The following STK33 variants were observed in gnomAD, a reference collection of about 807,000 sequenced individuals.
STK33 encodes serine/threonine kinase 33, also known as serine/threonine-protein kinase 33.
A neutral mutation model predicts 58.0 loss-of-function variants in STK33; 52 were observed. The observed-to-expected ratio is 0.90, with a 90% CI of 0.72 to 1.13. STK33 has a LOEUF of 1.13. STK33 is among the 50% of genes most tolerant of loss of function. The pLI is 0.00. For synonymous variants in STK33, 215 were observed against 200.1 expected (o/e 1.07, Z -0.63); for missense variants, 630 against 604.2 (o/e 1.04, Z -0.45).
intron 15 of STK33, among the ~76,000 whole-genome samples, chr11:8,405,025 C>A (rs1938849796): frequency 6.6e-6 from 1 of 152,142 alleles, no homozygotes; most frequent in Non-Finnish European, 1.5e-5. Context: ...GTAGTCCCAG[C>A]TACCCAGGAG....
rs774337141 is a variant in STK33, at chr11:8,457,344, T to C, written c.694A>G (p.Asn232Asp). ...AGCTGGATAACCCTCTTCTTACCAT[T>C]ATTGTGAAGATATGCTATAGCTGAT... The part of the protein sequence containing the change: ...LASAIAYLHN[N>D]DIVHRDLKLE... The change falls in exon 9 of 16, where the codon AAT becomes GAT. Residue 232 changes from asparagine (N) to aspartate (D), a missense_variant. Transcript: ENST00000687296. 1.9e-6 allele frequency: 3 copies of C among 1,572,334 alleles called. No individual in the cohort carries two copies. In the Admixed American group the frequency reaches 5.0e-5, roughly 26 times the overall value.
chr11:8,431,521 T>C (rs573687847), intron 14 of STK33, among the ~76,000 whole-genome samples: 1 of 152,312 alleles, frequency 6.6e-6, no homozygotes, highest in East Asian at 1.9e-4. Context: ...GTTGTGACTA[T>C]AAAGCAAAGT....
intron 6 of STK33, chr11:8,466,092 C>T (rs1948148420): frequency 6.6e-6 from 1 of 152,202 alleles, no homozygotes; most frequent in Admixed American, 6.5e-5. Context: ...TCCCATGACA[C>T]ATGGGAATTA....
the STK33 span, among the ~76,000 whole-genome samples, chr11:8,376,541 T>C: frequency 6.6e-6 from 1 of 151,908 alleles, no homozygotes; most frequent in African/African-American, 2.4e-5. Flanking sequence ...AGGCTTTGAT[T>C]CTTTTTTCTT....
chr11:8,373,716 T>C, the STK33 span, among the ~76,000 whole-genome samples: 2 of 151,970 alleles, frequency 1.3e-5, no homozygotes, highest in African/African-American at 4.8e-5. Context: ...ATCATCCCAG[T>C]GATTGAGGCC....
the STK33 span, among the ~76,000 whole-genome samples, chr11:8,382,380 T>G: frequency 6.6e-6 from 1 of 152,214 alleles, no homozygotes; most frequent in Admixed American, 6.5e-5. Context: ...TCAGAAATGA[T>G]GCATCTGAGC....
intron 15 of STK33, among the ~76,000 whole-genome samples, chr11:8,394,730 A>C (rs1177209034): frequency 6.6e-6 from 1 of 152,202 alleles, no homozygotes; most frequent in Non-Finnish European, 1.5e-5. Flanking sequence ...ATATCTTGAG[A>C]TCATTATTAA....
At chr11:8,514,216 GT>G (rs750384441) in intron 1 of STK33, among the ~76,000 whole-genome samples, 1 of 152,134 alleles carries the variant, frequency 6.6e-6, no homozygotes, top group Non-Finnish European at 1.5e-5. Context: ...ATCCATTCAT[GT>G]GTTGACAGAC....
At chr11:8,354,557 C>T in the STK33 span, among the ~76,000 whole-genome samples, 10 of 150,856 alleles carry the variant, frequency 6.6e-5, no homozygotes, top group South Asian at 8.4e-4. Context: ...CCACCCAGCT[C>T]AAGCACAGGT....
rs546969589 is a variant in STK33 at position 8,457,259 on chromosome 11, A to G, written c.697+82T>C. 8.9e-5 allele frequency: 113 copies of G among 1,264,042 alleles called. 1 individual carries two copies. In the Middle Eastern group the frequency reaches 1.0e-3, roughly 11 times the overall value. The allele number at this position is 1,264,042 out of a possible 1,614,324, so 78.3% of individuals were successfully genotyped here. ...ATTAGCAGGTGTTATTTATATGACT[A>G]TGAATCTGGAATACAATTACCCTTA... On this transcript the variant is annotated intron_variant, in intron 9 of 15. Coordinates refer to ENST00000687296, the MANE Select transcript of STK33 (RefSeq NM_001352389.2).
the STK33 span, among the ~76,000 whole-genome samples, chr11:8,354,472 C>CACACACACACACA: frequency 3.6e-5 from 2 of 55,990 alleles, no homozygotes; most frequent in African/African-American, 1.4e-4. Context: ...GTCTGCAAAA[C>CACACACACACACA]CTCACACACA....
At chr11:8,507,464 G>A (rs1224400703) in intron 1 of STK33, among the ~76,000 whole-genome samples, 1 of 152,116 alleles carries the variant, frequency 6.6e-6, no homozygotes, top group Non-Finnish European at 1.5e-5. Flanking sequence ...AACACTCAAT[G>A]CACATTGTAA....
chr11:8,555,635 A>G (rs1360957538), intron 1 of STK33, among the ~76,000 whole-genome samples: 4 of 152,142 alleles, frequency 2.6e-5, no homozygotes, highest in Non-Finnish European at 5.9e-5. Flanking sequence ...ATTGCACTCC[A>G]GCCTGGGTGA....
chr11:8,583,382 T>C (rs2030796172), intron 1 of STK33, among the ~76,000 whole-genome samples: 1 of 152,140 alleles, frequency 6.6e-6, no homozygotes, highest in Non-Finnish European at 1.5e-5. Context: ...ATTCCACAAA[T>C]TATTGATAAC....
chr11:8,340,121 A>G, the STK33 span, among the ~76,000 whole-genome samples: 2 of 152,374 alleles, frequency 1.3e-5, no homozygotes, highest in South Asian at 2.1e-4. Flanking sequence ...AACAGCCTGG[A>G]AACAGGCTGG....
the STK33 span, among the ~76,000 whole-genome samples, chr11:8,379,556 A>C: frequency 6.6e-6 from 1 of 152,198 alleles, no homozygotes; most frequent in African/African-American, 2.4e-5. Flanking sequence ...CAACATCACT[A>C]ATCAACAGGG....
At chr11:8,378,630 C>A in the STK33 span, among the ~76,000 whole-genome samples, 1 of 152,214 alleles carries the variant, frequency 6.6e-6, no homozygotes, top group South Asian at 2.1e-4. Flanking sequence ...TTACCTCCCA[C>A]TGGGTCCCTC....
intron 1 of STK33, among the ~76,000 whole-genome samples, chr11:8,492,883 T>A (rs573546693): frequency 6.6e-6 from 1 of 152,332 alleles, no homozygotes; most frequent in South Asian, 2.1e-4. Flanking sequence ...GAAATAAAGA[T>A]GTTCTTTGAA....
At chr11:8,450,342 T>C (rs967812924) in intron 11 of STK33, among the ~76,000 whole-genome samples, 2 of 151,490 alleles carry the variant, frequency 1.3e-5, no homozygotes, top group Non-Finnish European at 2.9e-5. Flanking sequence ...CACTTATAAG[T>C]GGGAGTTGAA....
Sources: gnomAD v4.1 joint callset for allele counts (sites outside exome capture counted in the v4.1 genomes callset) on GRCh38, gnomAD v4.1.1 for gene constraint, MANE v1.5 for transcripts, NCBI Gene and HGNC (gene_info 2026-07-23, HGNC 2026-07-21) for gene names.